FOXP1: variants seen among roughly 807,000 people sequenced by gnomAD.
The protein encoded by FOXP1 is forkhead box P1, also known as forkhead box protein P1.
A neutral mutation model predicts 98.2 loss-of-function variants in FOXP1; 15 were observed. The ratio of observed to expected loss-of-function variants is 0.15; its 90% CI spans 0.10 to 0.24. The LOEUF (loss-of-function observed/expected upper bound fraction) is 0.24. Ranked by LOEUF, FOXP1 falls within the 10% of genes least tolerant of loss-of-function variation. The pLI, the probability that FOXP1 is intolerant of heterozygous loss-of-function variation, is 1.00. For synonymous variants in FOXP1, 371 were observed against 314.5 expected (o/e 1.18, Z -1.90); for missense variants, 633 against 848.5 (o/e 0.75, Z 3.15).
rs535217781 is a variant in FOXP1, at chr3:70,999,605, T to C, written c.1062+1367A>G. ...TATCCAGAGTTTGAATGGAAAAATA[T>C]TAACTGGCTAACAAAAATAACTTTT... is the stretch of plus-strand genomic sequence containing the variant. On this transcript the variant is annotated intron_variant, in intron 13 of 20. Transcript: ENST00000649528. 1.2e-4 allele frequency among the ~76,000 whole-genome samples: 19 copies of C among 152,338 alleles called. No individual in the cohort carries two copies. The South Asian group carries it at 3.7e-3, about 30-fold the overall frequency.
At chr3:71,275,095 A>G (rs1026868503) in intron 5 of FOXP1, among the ~76,000 whole-genome samples, 1 of 152,238 alleles carries the variant, frequency 6.6e-6, no homozygotes, top group Admixed American at 6.5e-5. Flanking sequence ...TCTGTACACA[A>G]TACAATCACA....
intron 7 of FOXP1, among the ~76,000 whole-genome samples, chr3:71,063,953 A>AAAGTCCCGTTTCCAC (rs1576528548): frequency 6.6e-6 from 1 of 152,276 alleles, no homozygotes; most frequent in East Asian, 1.9e-4. Context: ...AGAGGGGTAA[A>AAAGTCCCGTTTCCAC]AAGTCCCGTT....
intron 2 of FOXP1, among the ~76,000 whole-genome samples, chr3:71,569,384 A>T (rs1200785698): frequency 6.6e-6 from 1 of 152,190 alleles, no homozygotes; most frequent in Non-Finnish European, 1.5e-5. Context: ...CCTTATTCCC[A>T]TCTCATGTAA....
intron 20 of FOXP1, 49 bp from the exon 21 acceptor site, chr3:70,959,440 C>G: frequency 4.3e-6 from 7 of 1,611,116 alleles, no homozygotes; most frequent in Non-Finnish European, 5.9e-6. Flanking sequence ...CAGCCCATTG[C>G]AGCTCAGGTG....
chr3:71,293,663 T>C (rs1433931381), intron 5 of FOXP1, among the ~76,000 whole-genome samples: 5 of 152,190 alleles, frequency 3.3e-5, no homozygotes, highest in Non-Finnish European at 7.3e-5. Context: ...CATATTTCTC[T>C]GGAAATCAAT....
intron 6 of FOXP1, among the ~76,000 whole-genome samples, chr3:71,126,437 C>T (rs1046343708): frequency 2.6e-5 from 4 of 151,744 alleles, no homozygotes; most frequent in African/African-American, 4.8e-5. Flanking sequence ...TGCAGTGAGC[C>T]GAGATGACAC....
rs373290072 is a variant in FOXP1, at chr3:71,041,549, G to A, written c.665-17C>T. On this transcript the variant is annotated splice_polypyrimidine_tract_variant and intron_variant, in intron 10 of 20. Transcript: ENST00000649528. ...GAATCATGCCTGAAACAAACAAATT[G>A]GATAATTAAATCAATTAACAGCTAA... 6.2e-6 allele frequency: 10 copies of A among 1,610,442 alleles called. No homozygotes were observed. In the African/African-American group the frequency reaches 1.3e-4, roughly 22 times the overall value.
At chr3:71,122,015 T>C (rs1159043837) in intron 6 of FOXP1, among the ~76,000 whole-genome samples, 1 of 152,242 alleles carries the variant, frequency 6.6e-6, no homozygotes, top group Non-Finnish European at 1.5e-5. Flanking sequence ...CAGATTCACA[T>C]CTTTTCATAC....
intron 13 of FOXP1, among the ~76,000 whole-genome samples, chr3:70,996,779 G>C (rs2041428408): frequency 6.6e-6 from 1 of 152,150 alleles, no homozygotes; most frequent in Non-Finnish European, 1.5e-5. Flanking sequence ...GATTCAATCT[G>C]AGCTTACTGG....
chr3:71,179,810 T>C (rs1192951763), intron 6 of FOXP1, among the ~76,000 whole-genome samples: 2 of 152,260 alleles, frequency 1.3e-5, no homozygotes, highest in African/African-American at 4.8e-5. Context: ...TATAGCTTTT[T>C]TCTCTGTTTG....
chr3:71,064,006 T>C (rs1337403873), intron 7 of FOXP1, among the ~76,000 whole-genome samples: 7 of 152,190 alleles, frequency 4.6e-5, no homozygotes. Context: ...TTGAGTTAGC[T>C]ACATTCAGAG....
chr3:71,022,307 T>C (rs189649797), intron 11 of FOXP1, among the ~76,000 whole-genome samples: 1 of 152,336 alleles, frequency 6.6e-6, no homozygotes, highest in African/African-American at 2.4e-5. Context: ...TTTTCTTAGA[T>C]TTCTTTTTCC....
At chr3:70,967,687 GTTTTTTT>G (rs67711426) in intron 19 of FOXP1, among the ~76,000 whole-genome samples, 6 of 61,358 alleles carry the variant, frequency 9.8e-5, no homozygotes, top group African/African-American at 3.4e-4. Flanking sequence ...ACTATTATTT[GTTTTTTT>G]TTTTTGTTTT....
intron 6 of FOXP1, among the ~76,000 whole-genome samples, chr3:71,145,900 C>T (rs979214418): frequency 2.0e-5 from 3 of 152,166 alleles, no homozygotes; most frequent in African/African-American, 7.2e-5. Flanking sequence ...GAGTCCCTTG[C>T]TGGAGAAATG....
chr3:71,557,627 G>A (rs754434962), intron 2 of FOXP1, among the ~76,000 whole-genome samples: 6 of 152,192 alleles, frequency 3.9e-5, no homozygotes, highest in Non-Finnish European at 7.3e-5. Flanking sequence ...GGAAGAGTGA[G>A]GTGAGGTAAT....
intron 5 of FOXP1, among the ~76,000 whole-genome samples, chr3:71,203,242 G>A (rs917030648): frequency 1.3e-5 from 2 of 152,164 alleles, no homozygotes; most frequent in African/African-American, 2.4e-5. Flanking sequence ...CAATTGCATA[G>A]ATGTCAAAAA....
chr3:71,285,870 T>C (rs1220439329), intron 5 of FOXP1, among the ~76,000 whole-genome samples: 1 of 152,176 alleles, frequency 6.6e-6, no homozygotes, highest in Non-Finnish European at 1.5e-5. Flanking sequence ...TCAGTAAATA[T>C]AAGGAATGGG....
chr3:71,578,810 G>C (rs1472027849), intron 2 of FOXP1, among the ~76,000 whole-genome samples: 1 of 152,112 alleles, frequency 6.6e-6, no homozygotes, highest in Non-Finnish European at 1.5e-5. Flanking sequence ...CTTTAAAAAG[G>C]CAAAGAAAAA....
intron 3 of FOXP1, among the ~76,000 whole-genome samples, chr3:71,469,272 G>A (rs1174709989): frequency 1.3e-5 from 2 of 152,128 alleles, no homozygotes; most frequent in Non-Finnish European, 2.9e-5. Flanking sequence ...AAACAACACT[G>A]TTTCCATAGT....
Sources: gnomAD v4.1 joint callset for allele counts (sites outside exome capture counted in the v4.1 genomes callset) on GRCh38, gnomAD v4.1.1 for gene constraint, MANE v1.5 for transcripts, NCBI Gene and HGNC (gene_info 2026-07-23, HGNC 2026-07-21) for gene names.